Variants in CHST3 observed in about 807,000 individuals in gnomAD.
The protein encoded by CHST3 is C6ST-1.
Under a neutral mutation model 35.4 loss-of-function variants are expected in CHST3, and 20 were observed. That is an observed-to-expected ratio of 0.57 (90% CI 0.40 to 0.82). CHST3 has a LOEUF of 0.82. Ranked by LOEUF, CHST3 falls within the 40% of genes least tolerant of loss-of-function variation. The pLI is 0.00. For synonymous variants in CHST3, 334 were observed against 295.9 expected, an observed-to-expected ratio of 1.13 and a Z score of -1.32; for missense variants, 693 against 670.1, an observed-to-expected ratio of 1.03 and a Z score of -0.38.
At chr10:71,990,704 G>A (rs77074406) in intron 1 of CHST3, among the ~76,000 whole-genome samples, 16,652 of 152,094 alleles carry the variant, frequency 0.11, 876 homozygotes, top group Admixed American at 0.16. Flanking sequence ...GCTCCACACT[G>A]GTGACCTAGT....
Position 71,965,801 on chromosome 10 carries a change from A to G in CHST3, c.-108+1107A>G, listed in dbSNP as rs1188189731. ...TGGGTTGAAATTGATTTTCCAGCAG[A>G]GAAGGGGGCCTGAGTAGCTCCTAGG... On this transcript the variant is annotated intron_variant, in intron 1 of 2. Coordinates refer to ENST00000373115, the MANE Select transcript of CHST3 (RefSeq NM_004273.5). Among the ~76,000 whole-genome samples, 3 of 152,104 alleles carry G rather than the reference A, an allele frequency of 2.0e-5. No individual in the cohort carries two copies. In the East Asian group the frequency reaches 5.8e-4, roughly 29 times the overall value.
At chr10:71,965,298 G>A (rs1256653439) in intron 1 of CHST3, among the ~76,000 whole-genome samples, 1 of 152,212 alleles carries the variant, frequency 6.6e-6, no homozygotes, top group Non-Finnish European at 1.5e-5. Context: ...CCCGGAGAGA[G>A]GAGGGAGTGA....
intron 1 of CHST3, among the ~76,000 whole-genome samples, chr10:71,996,987 G>T (rs761546740): frequency 3.3e-5 from 5 of 151,984 alleles, no homozygotes; most frequent in Admixed American, 6.6e-5. Flanking sequence ...AAACTCCTGG[G>T]CTCGAGCAAT....
At chr10:72,005,406 C>T (rs548413771) in intron 1 of CHST3, among the ~76,000 whole-genome samples, 1 of 152,156 alleles carries the variant, frequency 6.6e-6, no homozygotes, top group African/African-American at 2.4e-5. Flanking sequence ...TACCTGGATG[C>T]TCCACCATTT....
At chr10:71,969,512 G>T (rs1309215934) in intron 1 of CHST3, among the ~76,000 whole-genome samples, 2 of 152,226 alleles carry the variant, frequency 1.3e-5, no homozygotes, top group Non-Finnish European at 2.9e-5. Context: ...CCCTTCAAAG[G>T]ACGCAAAGAG....
intron 1 of CHST3, among the ~76,000 whole-genome samples, chr10:71,965,279 G>C (rs1373257086): frequency 6.6e-6 from 1 of 152,208 alleles, no homozygotes; most frequent in African/African-American, 2.4e-5. Flanking sequence ...AGCCCTTCCG[G>C]AGGCGAGGCC....
chr10:71,997,969 A>G (rs554515543), intron 1 of CHST3, among the ~76,000 whole-genome samples: 4 of 152,254 alleles, frequency 2.6e-5, no homozygotes, highest in Non-Finnish European at 5.9e-5. Context: ...CCCAGTCTCC[A>G]TAAATGATTT....
chr10:71,970,875 A>G (rs1839687989), intron 1 of CHST3, among the ~76,000 whole-genome samples: 1 of 152,154 alleles, frequency 6.6e-6, no homozygotes, highest in South Asian at 2.1e-4. Context: ...AAACCCTCAT[A>G]GATTCATTTA....
At chr10:71,999,596 G>A (rs1839972477) in intron 1 of CHST3, among the ~76,000 whole-genome samples, 2 of 152,246 alleles carry the variant, frequency 1.3e-5, no homozygotes, top group Admixed American at 1.3e-4. Context: ...GGGGAGTGGA[G>A]TTTTGCTGCC....
intron 1 of CHST3, among the ~76,000 whole-genome samples, chr10:71,997,681 A>ATT (rs1564529673): frequency 4.0e-5 from 5 of 124,184 alleles, no homozygotes; most frequent in Non-Finnish European, 9.2e-5. Context: ...TGTCTCCATA[A>ATT]ATTTTTTTTT....
intron 1 of CHST3, among the ~76,000 whole-genome samples, chr10:71,983,302 A>G (rs1839818191): frequency 6.6e-6 from 1 of 152,200 alleles, no homozygotes. Context: ...GATTGGGACC[A>G]GAATCATCAT....
At chr10:71,982,691 G>A (rs1163861106) in intron 1 of CHST3, among the ~76,000 whole-genome samples, 1 of 152,204 alleles carries the variant, frequency 6.6e-6, no homozygotes, top group Non-Finnish European at 1.5e-5. Flanking sequence ...TGAGGCTGCA[G>A]TGGGCCATGA....
intron 1 of CHST3, among the ~76,000 whole-genome samples, chr10:71,973,071 C>T (rs1839711095): frequency 6.6e-6 from 1 of 152,206 alleles, no homozygotes; most frequent in Admixed American, 6.5e-5. Flanking sequence ...TGGCACAGAG[C>T]CCTCAGTGGG....
intron 1 of CHST3, among the ~76,000 whole-genome samples, 187 bp downstream of exon 1, chr10:71,964,881 A>C (rs1034419320): frequency 5.3e-5 from 8 of 152,210 alleles, no homozygotes; most frequent in Admixed American, 1.3e-4. Flanking sequence ...AACCCGCTGC[A>C]ACCGGATCAC....
Position 72,012,722 on chromosome 10 carries a change from C to T in CHST3, c.*4251C>T, listed in dbSNP as rs1392712112. On this transcript the variant is annotated 3_prime_UTR_variant, in exon 3 of 3. Coordinates refer to ENST00000373115, the MANE Select transcript of CHST3 (RefSeq NM_004273.5). Reference sequence around the variant, plus strand: ...GATAGAAGGACCATCTGCTGAAATCCAGGGCTCCTGAGTTGGTGGGTTTGC... The same window carrying T: ...GATAGAAGGACCATCTGCTGAAATCTAGGGCTCCTGAGTTGGTGGGTTTGC... The T allele has an allele frequency of 6.6e-6, 1 of 152,304 alleles. No homozygotes were observed. The highest frequency in any genetic ancestry group is 1.5e-5 in the Non-Finnish European group (1 of 68,126). The allele number at this position is 152,304 out of a possible 1,614,324, so 9.4% of individuals were successfully genotyped here.
rs369222513 is a variant in CHST3 at position 71,965,743 on chromosome 10, A to G, written c.-108+1049A>G. Among the ~76,000 whole-genome samples the G allele has an allele frequency of 5.3e-5, 8 of 152,178 alleles. No homozygotes were observed. The South Asian group carries it at 1.5e-3, about 28-fold the overall frequency. On this transcript the variant is annotated intron_variant, in intron 1 of 2. Coordinates refer to ENST00000373115, the MANE Select transcript of CHST3 (RefSeq NM_004273.5). ...CACCGGTAATTATCATTCATTATGG[A>G]CTCACTGTGCGGCAAGGCCAGTGGG...
intron 1 of CHST3, among the ~76,000 whole-genome samples, chr10:71,989,175 A>C (rs1238242159): frequency 5.9e-5 from 9 of 152,176 alleles, no homozygotes; most frequent in Admixed American, 5.2e-4. Context: ...GAAAGAAAGA[A>C]AGAAAAAGAA....
chr10:71,970,438 G>C (rs778450785), intron 1 of CHST3, among the ~76,000 whole-genome samples: 1 of 152,108 alleles, frequency 6.6e-6, no homozygotes, highest in Non-Finnish European at 1.5e-5. Context: ...CAACCACCTC[G>C]GAGGCCAGCC....
At chr10:71,989,875 T>G (rs1284445651) in intron 1 of CHST3, among the ~76,000 whole-genome samples, 2 of 152,234 alleles carry the variant, frequency 1.3e-5, no homozygotes, top group Non-Finnish European at 1.5e-5. Context: ...ATCACTCATG[T>G]CTTGAACAGC....
Sources: gnomAD v4.1 joint callset for allele counts (sites outside exome capture counted in the v4.1 genomes callset) on GRCh38, gnomAD v4.1.1 for gene constraint, MANE v1.5 for transcripts, NCBI Gene and HGNC (gene_info 2026-07-23, HGNC 2026-07-21) for gene names.